MYLK: variants seen among roughly 807,000 people sequenced by gnomAD.
The protein encoded by MYLK is myosin light chain kinase.
MYLK carries 106 observed loss-of-function variants against 203.4 expected under a neutral mutation model. The observed-to-expected ratio is 0.52, with a 90% CI of 0.45 to 0.61. MYLK has a LOEUF of 0.61. MYLK is among the 20% of genes least tolerant of loss of function. The probability of loss-of-function intolerance (pLI) is 0.00; values close to 1 mark genes in which losing one functional copy is unlikely to be tolerated. For missense variants in MYLK, 2,072 were observed against 2,442.3 expected (o/e 0.85, Z 3.20); for synonymous variants, 867 against 959.5 (o/e 0.90, Z 1.78).
chr3:123,867,520 A>G (rs547719757), intron 2 of MYLK, among the ~76,000 whole-genome samples: 1 of 151,848 alleles, frequency 6.6e-6, no homozygotes, highest in South Asian at 2.1e-4. Flanking sequence ...CACAGAGGGG[A>G]GAAGTCCATG....
At chr3:123,854,150 T>C (rs1005601417) in intron 2 of MYLK, among the ~76,000 whole-genome samples, 5 of 148,510 alleles carry the variant, frequency 3.4e-5, no homozygotes, top group African/African-American at 5.0e-5. Flanking sequence ...CGGCTGACCA[T>C]AGAGGCATGA....
intron 4 of MYLK, among the ~76,000 whole-genome samples, chr3:123,774,693 G>A (rs1054276805): frequency 6.6e-6 from 1 of 152,138 alleles, no homozygotes; most frequent in Non-Finnish European, 1.5e-5. Context: ...TTCTTCAAGA[G>A]CACTGTTAAA....
chr3:123,779,103 C>T (rs1016953096), intron 4 of MYLK, among the ~76,000 whole-genome samples: 17 of 152,136 alleles, frequency 1.1e-4, no homozygotes, highest in African/African-American at 3.6e-4. Context: ...GACTGACTGG[C>T]GCCAGTCTGC....
At chr3:123,660,963 T>C (rs2059542661) in intron 23 of MYLK, among the ~76,000 whole-genome samples, 1 of 152,194 alleles carries the variant, frequency 6.6e-6, no homozygotes, top group Non-Finnish European at 1.5e-5. Flanking sequence ...TATCCATCAA[T>C]GTGAGTCCTA....
At chr3:123,857,541 G>C (rs538459550) in intron 2 of MYLK, among the ~76,000 whole-genome samples, 1 of 150,968 alleles carries the variant, frequency 6.6e-6, no homozygotes, top group Non-Finnish European at 1.5e-5. Context: ...GTAAACTATC[G>C]TAAGAACAAA....
At chr3:123,777,194 A>G (rs913670356) in intron 4 of MYLK, among the ~76,000 whole-genome samples, 1 of 152,262 alleles carries the variant, frequency 6.6e-6, no homozygotes, top group Non-Finnish European at 1.5e-5. Flanking sequence ...GGCAACTGCT[A>G]TGTGCTTGCG....
At chr3:123,653,044 G>A (rs2059268321) in intron 24 of MYLK, among the ~76,000 whole-genome samples, 1 of 152,162 alleles carries the variant, frequency 6.6e-6, no homozygotes, top group Admixed American at 6.5e-5. Context: ...TGCAAATGAG[G>A]CATGAGAATG....
At chr3:123,859,158 C>G (rs1271400776) in intron 2 of MYLK, among the ~76,000 whole-genome samples, 3 of 152,194 alleles carry the variant, frequency 2.0e-5, no homozygotes, top group African/African-American at 4.8e-5. Flanking sequence ...TAAAAGAGTT[C>G]TGCATTCTAA....
chr3:123,854,680 A>C (rs1386528544), intron 2 of MYLK, among the ~76,000 whole-genome samples: 9 of 152,220 alleles, frequency 5.9e-5, no homozygotes, highest in Admixed American at 3.3e-4. Flanking sequence ...TGGGATCAAT[A>C]GAAGCCCAAA....
rs367797385 is a variant in MYLK, at chr3:123,756,463, G to C, written c.166-3925C>G. On this transcript the variant is annotated intron_variant, in intron 4 of 33. Transcript: ENST00000360304. ...GCAAGCCAAGGCCTGCACACTCTGG[G>C]CCTGGCTTGGTGTCCTAGCTTTCTT... Among the ~76,000 whole-genome samples, 25 of 152,270 alleles carry C rather than the reference G, an allele frequency of 1.6e-4. No individual in the cohort carries two copies. The East Asian group carries it at 4.8e-3, about 29-fold the overall frequency.
chr3:123,658,370 A>C (rs1457713501), intron 23 of MYLK, among the ~76,000 whole-genome samples: 1 of 152,216 alleles, frequency 6.6e-6, no homozygotes, highest in Non-Finnish European at 1.5e-5. Flanking sequence ...CTTCAAGTCA[A>C]ATCATGGTAG....
At chr3:123,663,707 G>A (rs1304771910) in intron 23 of MYLK, among the ~76,000 whole-genome samples, 2 of 152,120 alleles carry the variant, frequency 1.3e-5, no homozygotes, top group South Asian at 2.1e-4. Context: ...CCAGAGCCTG[G>A]AGGGTGGAGT....
chr3:123,794,028 G>A (rs2064892410), intron 3 of MYLK, 184 bp from the exon 4 acceptor site: 1 of 692,360 alleles, frequency 1.4e-6, no homozygotes, highest in Non-Finnish European at 2.5e-6. Context: ...TACACAAAGT[G>A]CCAGGACAAG....
chr3:123,882,822 G>T (rs953106951), intron 1 of MYLK, among the ~76,000 whole-genome samples: 1 of 152,218 alleles, frequency 6.6e-6, no homozygotes, highest in Non-Finnish European at 1.5e-5. Flanking sequence ...ATTCCATGCT[G>T]CCCTAGAGCA....
chr3:123,692,527 T>G, intron 19 of MYLK: 7 of 770,846 alleles, frequency 9.1e-6, no homozygotes, highest in Non-Finnish European at 1.2e-5. Flanking sequence ...GGTGAAGCCA[T>G]GTAGGTGATC....
At chr3:123,877,274 A>T (rs1173518788) in intron 1 of MYLK, among the ~76,000 whole-genome samples, 2 of 152,082 alleles carry the variant, frequency 1.3e-5, no homozygotes, top group Non-Finnish European at 2.9e-5. Flanking sequence ...AGGCCTGTGA[A>T]TGGCTTAAGG....
intron 3 of MYLK, among the ~76,000 whole-genome samples, chr3:123,819,329 G>A (rs1204726516): frequency 1.3e-5 from 2 of 152,204 alleles, no homozygotes; most frequent in Non-Finnish European, 2.9e-5. Flanking sequence ...CCTAGGCTCA[G>A]GAATTCTCTC....
intron 19 of MYLK, among the ~76,000 whole-genome samples, chr3:123,685,912 G>A (rs1677177672): frequency 6.6e-6 from 1 of 152,072 alleles, no homozygotes; most frequent in African/African-American, 2.4e-5. Flanking sequence ...TTTCAAACTA[G>A]GCACACCCCA....
intron 33 of MYLK, among the ~76,000 whole-genome samples, chr3:123,614,965 C>T (rs1421150801): frequency 6.6e-6 from 1 of 151,678 alleles, no homozygotes; most frequent in Non-Finnish European, 1.5e-5. Context: ...TGCCACCATG[C>T]CTGGCTAATT....
Sources: allele counts gnomAD v4.1 joint callset (sites outside exome capture counted in the v4.1 genomes callset), GRCh38; gene constraint gnomAD v4.1.1; transcripts MANE v1.5; gene names NCBI Gene and HGNC (gene_info 2026-07-23, HGNC 2026-07-21).